ZIC5: variants seen among roughly 807,000 people sequenced by gnomAD.
The protein encoded by ZIC5 is Zic family zinc finger 5.
ZIC5 carries 20 observed loss-of-function variants against 28.5 expected under a neutral mutation model. The ratio of observed to expected loss-of-function variants is 0.70; its 90% CI spans 0.49 to 1.02. ZIC5 has a LOEUF of 1.02. Among genes scored for constraint, ZIC5 ranks in the 50% least tolerant of loss-of-function variants. The pLI is 0.00. For synonymous variants in ZIC5, 488 were observed against 410.4 expected (o/e 1.19, Z -2.29); for missense variants, 951 against 899.7 (o/e 1.06, Z -0.73).
chr13:99,970,152 G>A lies in ZIC5; in HGVS notation c.1452C>T (p.Leu484=). ...CTGTATGAGTACGCTTGTGGATCTT[G>A]AGGTTCTCGGAGCGCGCGAAGACCT... The part of the protein sequence containing the change: ...CGKVFARSEN[L]KIHKRTHTGE... Residue 484 remains leucine (L), a synonymous_variant, in exon 1 of 2, where the codon CTC becomes CTT. Coordinates refer to ENST00000267294, the MANE Select transcript of ZIC5 (RefSeq NM_033132.5). The A allele has an allele frequency of 6.2e-7, 1 of 1,610,150 alleles. No homozygotes were observed. Among genetic ancestry groups the A allele is most frequent in the East Asian group, 2.2e-5 (1 of 44,580 alleles).
chr13:99,970,062 C>T, intron 1 of ZIC5, 65 bp downstream of exon 1: 2 of 1,597,484 alleles, frequency 1.3e-6, no homozygotes, highest in Non-Finnish European at 8.5e-7. Flanking sequence ...GAAGCAGCGG[C>T]GGAAGCGGCG....
chr13:99,963,153 A>G lies in ZIC5; in HGVS notation c.*2224T>C, dbSNP rs2053069818. The stretch of plus-strand genomic sequence containing the variant: ...TAAATCTGTGGCAAAGAGTTAACCT[A>G]TGCATGGTAAAATACATAAAATACA... On this transcript the variant is annotated 3_prime_UTR_variant, in exon 2 of 2. Coordinates refer to ENST00000267294, the MANE Select transcript of ZIC5 (RefSeq NM_033132.5). 1 of 152,584 alleles carries G rather than the reference A, an allele frequency of 6.6e-6. No individual in the cohort carries two copies. Among genetic ancestry groups the G allele is most frequent in the Admixed American group, 6.5e-5 (1 of 15,284 alleles). The allele number at this position is 152,584 out of a possible 1,614,324, so 9.5% of individuals were successfully genotyped here. A position where few individuals can be genotyped will look rare whatever the true frequency, so the allele number is the denominator to read the frequency against.
intron 1 of ZIC5, among the ~76,000 whole-genome samples, chr13:99,968,629 G>A (rs1229967809): frequency 6.6e-6 from 1 of 152,160 alleles, no homozygotes; most frequent in Admixed American, 6.5e-5. Context: ...CCCCGCGCTT[G>A]GGAGTTCCCT....
In ZIC5 at chr13:99,971,239, T is replaced by C; in HGVS notation, c.365A>G (p.Gln122Arg). The change falls in exon 1 of 2, where the codon CAG becomes CGG. Residue 122 changes from glutamine (Q) to arginine (R), a missense_variant. By Grantham distance (43) the Gln-to-Arg change is conservative. Coordinates refer to ENST00000267294, the MANE Select transcript of ZIC5 (RefSeq NM_033132.5). ...GGCTGGGGGCGGGGGCGCGGAGGGC[T>C]GCGCGCCACTGCTGCCCCCGCCGCA... is the stretch of plus-strand genomic sequence containing the variant. The part of the protein sequence containing the change: ...YPCGGGSSGA[Q>R]PSAPPPPAPP... The C allele has an allele frequency of 2.3e-6, 3 of 1,298,114 alleles. No homozygotes were observed. The highest frequency in any genetic ancestry group is 3.2e-5 in the East Asian group (1 of 31,388). 80.4% of individuals were successfully genotyped at this position (1,298,114 alleles called of 1,614,324 possible). A position where few individuals can be genotyped will look rare whatever the true frequency, so the allele number is the denominator to read the frequency against.
rs955978757 is a variant in ZIC5 at position 99,964,586 on chromosome 13, T to A, written c.*791A>T. On this transcript the variant is annotated 3_prime_UTR_variant, in exon 2 of 2. Transcript: ENST00000267294. ...AGTTGTCTTTTGCAGCAGCTTTTCT[T>A]CTCTCCACTTTTGCTTGAACAATCA... 6.6e-6 allele frequency: 1 copy of A among 152,618 alleles called. No individual in the cohort carries two copies. The highest frequency in any genetic ancestry group is 2.4e-5 in the African/African-American group (1 of 41,454). The allele number at this position is 152,618 out of a possible 1,614,324, so 9.5% of individuals were successfully genotyped here. A position where few individuals can be genotyped will look rare whatever the true frequency, so the allele number is the denominator to read the frequency against.
rs1297438242 is a variant in ZIC5 at position 99,963,319 on chromosome 13, C to G, written c.*2058G>C. On this transcript the variant is annotated 3_prime_UTR_variant, in exon 2 of 2. Coordinates refer to ENST00000267294, the MANE Select transcript of ZIC5 (RefSeq NM_033132.5). ...AATAAGTTTACGATACATAAATTATCCCCCCAAAAGTTCATACCTTTTCTA... is the reference window on the plus strand; with the variant it reads ...AATAAGTTTACGATACATAAATTATGCCCCCAAAAGTTCATACCTTTTCTA... The G allele has an allele frequency of 6.6e-6, 1 of 152,458 alleles. No homozygotes were observed. Among genetic ancestry groups the G allele is most frequent in the Non-Finnish European group, 1.5e-5 (1 of 67,994 alleles). 9.4% of individuals were successfully genotyped at this position (152,458 alleles called of 1,614,324 possible). A position where few individuals can be genotyped will look rare whatever the true frequency, so the allele number is the denominator to read the frequency against.
In ZIC5 at chr13:99,968,433, C is replaced by A. The variant is rs767099194; in HGVS notation, c.1477+1694G>T. On this transcript the variant is annotated intron_variant, in intron 1 of 1. Transcript: ENST00000267294. ...TCCCCTCGCCGCCTGGGGTCCCCCGCGCCCCCCCCGACCCCACGCACGCGC... is the reference window on the plus strand; with the variant it reads ...TCCCCTCGCCGCCTGGGGTCCCCCGAGCCCCCCCCGACCCCACGCACGCGC... Among the ~76,000 whole-genome samples the A allele has an allele frequency of 1.5e-3, 230 of 152,172 alleles. 1 individual carries two copies. Among genetic ancestry groups the A allele is most frequent in the Non-Finnish European group, 2.5e-3 (169 of 67,964 alleles).
Position 99,971,051 on chromosome 13 carries a change from CG to C in ZIC5, c.552del (p.Ala185ArgfsTer122), listed in dbSNP as rs748460111. The C allele has an allele frequency of 2.8e-6, 4 of 1,425,222 alleles. No individual in the cohort carries two copies. The highest frequency in any genetic ancestry group is 3.0e-5 in the South Asian group (2 of 67,106). The allele number at this position is 1,425,222 out of a possible 1,614,324, so 88.3% of individuals were successfully genotyped here. ...VLRRDLSATAPAAAMHGAPLG... is the reference protein window; with the variant it reads ...VLRRDLSATAXAAAMHGAPLG... Reference sequence around the variant, plus strand: ...AGCGGGGCCCCGTGCATGGCCGCCGCGGGGGCCGTGGCGGAAAGGTCCCTCC... The same window carrying C: ...AGCGGGGCCCCGTGCATGGCCGCCGCGGGGCCGTGGCGGAAAGGTCCCTCC... On this transcript the variant is annotated frameshift_variant, in exon 1 of 2. Transcript: ENST00000267294. LOFTEE classifies it high-confidence loss of function.
chr13:99,970,896 G>A lies in ZIC5; in HGVS notation c.708C>T (p.Phe236=), dbSNP rs755745826. 158 of 1,340,452 alleles carry A rather than the reference G, an allele frequency of 1.2e-4. No individual in the cohort carries two copies. The Middle Eastern group carries it at 3.9e-3, about 33-fold the overall frequency. The allele number at this position is 1,340,452 out of a possible 1,614,324, so 83.0% of individuals were successfully genotyped here. The stretch of plus-strand genomic sequence containing the variant: ...CCCCCGGCGTGTCGTGCAGCGCGGG[G>A]AAGAGCGCCGGGCCGCCGCTGCCGT... ...GPDGSGGPAL[F]PALHDTPGAP... Residue 236 remains phenylalanine (F), a synonymous_variant, in exon 1 of 2, where the codon TTC becomes TTT. Transcript: ENST00000267294.
chr13:99,963,115 T>C lies in ZIC5; in HGVS notation c.*2262A>G, dbSNP rs1158442911. The C allele has an allele frequency of 6.6e-6, 1 of 152,552 alleles. No homozygotes were observed. Among genetic ancestry groups the C allele is most frequent in the Non-Finnish European group, 1.5e-5 (1 of 68,034 alleles). The allele number at this position is 152,552 out of a possible 1,614,324, so 9.4% of individuals were successfully genotyped here. On this transcript the variant is annotated 3_prime_UTR_variant, in exon 2 of 2. Transcript: ENST00000267294. ...TACACATTTTTTTTTATTTTAGGTG[T>C]ATCAAGAACCAATAAATCTGTGGCA...
Position 99,970,801 on chromosome 13 carries a change from G to A in ZIC5, c.803C>T (p.Ala268Val), listed in dbSNP as rs1459509233. Residue 268 changes from alanine to valine, a missense_variant, in exon 1 of 2, where the codon GCG becomes GTG. Coordinates refer to ENST00000267294, the MANE Select transcript of ZIC5 (RefSeq NM_033132.5). ...GGCGCGGCCGTACAGCTCAGCCGCC[G>A]CGGCTGCCGCTGCCGCCGCCAGCCC... is the stretch of plus-strand genomic sequence containing the variant. ...RLGLAAAAAA[A>V]AAELYGRAEP... The A allele has an allele frequency of 2.5e-6, 3 of 1,201,972 alleles. No individual in the cohort carries two copies. Among genetic ancestry groups the A allele is most frequent in the East Asian group, 7.5e-5 (2 of 26,552 alleles). The allele number at this position is 1,201,972 out of a possible 1,614,324, so 74.5% of individuals were successfully genotyped here.
intron 1 of ZIC5, among the ~76,000 whole-genome samples, chr13:99,969,007 G>A (rs1398329536): frequency 2.0e-5 from 3 of 152,206 alleles, no homozygotes; most frequent in Admixed American, 6.5e-5. Context: ...ATTACTGAAC[G>A]TAAACTCCAG....
In ZIC5 at chr13:99,965,445, C is replaced by T. The variant is rs141374937; in HGVS notation, c.1852G>A (p.Gly618Arg). The T allele has an allele frequency of 1.1e-4, 174 of 1,613,984 alleles. No individual in the cohort carries two copies. Among genetic ancestry groups the T allele is most frequent in the Non-Finnish European group, 1.3e-4 (157 of 1,180,032 alleles). The change falls in exon 2 of 2, where the codon GGA becomes AGA. Residue 618 changes from glycine to arginine, a missense_variant. Gly to Arg is a moderately radical substitution (Grantham distance 125, BLOSUM62 -2). Coordinates refer to ENST00000267294, the MANE Select transcript of ZIC5 (RefSeq NM_033132.5). ...PSHLHTPSSNGTTSETEDEEI... is the reference protein window; with the variant it reads ...PSHLHTPSSNRTTSETEDEEI... ...TCATCTTCAGTCTCAGAGGTGGTTCCGTTGCTGGAAGGGGTGTGGAGGTGG... is the reference window on the plus strand; with the variant it reads ...TCATCTTCAGTCTCAGAGGTGGTTCTGTTGCTGGAAGGGGTGTGGAGGTGG...
chr13:99,970,732 G>A lies in ZIC5; in HGVS notation c.872C>T (p.Ala291Val). The A allele has an allele frequency of 2.5e-6, 3 of 1,186,544 alleles. No individual in the cohort carries two copies. Among genetic ancestry groups the A allele is most frequent in the South Asian group, 2.4e-5 (1 of 40,880 alleles). 73.5% of individuals were successfully genotyped at this position (1,186,544 alleles called of 1,614,324 possible). Residue 291 changes from alanine (A) to valine (V), a missense_variant, in exon 1 of 2, where the codon GCG becomes GTG. Transcript: ENST00000267294. Reference protein sequence around the residue: ...APRSGDAHYGAVAAAAAAALH... With the variant: ...APRSGDAHYGVVAAAAAAALH... The stretch of plus-strand genomic sequence containing the variant: ...GGCGGCCGCCGCTGCGGCCGCAACC[G>A]CCCCGTAGTGCGCGTCCCCAGAGCG...
rs1162552887 is a variant in ZIC5 at position 99,964,199 on chromosome 13, G to C, written c.*1178C>G. The C allele has an allele frequency of 6.6e-6, 1 of 152,144 alleles. No individual in the cohort carries two copies. Among genetic ancestry groups the C allele is most frequent in the Non-Finnish European group, 1.5e-5 (1 of 68,032 alleles). The allele number at this position is 152,144 out of a possible 1,614,324, so 9.4% of individuals were successfully genotyped here. ...CTTCACACACTGTCATTTTCAAATG[G>C]ATTCCAGTTTGGTGTGCTCAGTGCT... On this transcript the variant is annotated 3_prime_UTR_variant, in exon 2 of 2. Coordinates refer to ENST00000267294, the MANE Select transcript of ZIC5 (RefSeq NM_033132.5).
chr13:99,968,954 G>A (rs971991271), intron 1 of ZIC5, among the ~76,000 whole-genome samples: 8 of 152,226 alleles, frequency 5.3e-5, no homozygotes, highest in Admixed American at 1.3e-4. Flanking sequence ...GGGACCCGGC[G>A]GCTACCTCCT....
chr13:99,970,375 G>T lies in ZIC5; in HGVS notation c.1229C>A (p.Thr410Asn). The change falls in exon 1 of 2, where the codon ACT (threonine) becomes AAT (asparagine). Residue 410 changes from threonine to asparagine, a missense_variant. Physicochemically the swap from Thr to Asn is moderately conservative, Grantham distance 65. Transcript: ENST00000267294. ...CACCAGCTCGTGCATGGTGCCGAAAGTTTTGGAGCAGGGCTTGGCGCCGCC... is the reference window on the plus strand; with the variant it reads ...CACCAGCTCGTGCATGGTGCCGAAATTTTTGGAGCAGGGCTTGGCGCCGCC... ...PAGGAKPCSK[T>N]FGTMHELVNH... is the part of the protein sequence containing the mutation. 1 of 1,557,736 alleles carries T rather than the reference G, an allele frequency of 6.4e-7. No homozygotes were observed. Among genetic ancestry groups the T allele is most frequent in the Non-Finnish European group, 8.7e-7 (1 of 1,153,004 alleles).
Position 99,971,723 on chromosome 13 carries a change from C to T in ZIC5, c.-120G>A, listed in dbSNP as rs1232235880. Reference sequence around the variant, plus strand: ...CTTCTTTTGTCCTGGCCTCTTAACTCTGCTTATTCCTGTTCCCACTCTATC... The same window carrying T: ...CTTCTTTTGTCCTGGCCTCTTAACTTTGCTTATTCCTGTTCCCACTCTATC... On this transcript the variant is annotated 5_prime_UTR_variant, in exon 1 of 2. Coordinates refer to ENST00000267294, the MANE Select transcript of ZIC5 (RefSeq NM_033132.5). The T allele has an allele frequency of 1.9e-6, 3 of 1,547,376 alleles. No individual in the cohort carries two copies. The highest frequency in any genetic ancestry group is 2.6e-6 in the Non-Finnish European group (3 of 1,144,298).
intron 1 of ZIC5, among the ~76,000 whole-genome samples, chr13:99,969,046 G>A (rs1318700840): frequency 6.6e-6 from 1 of 152,220 alleles, no homozygotes; most frequent in African/African-American, 2.4e-5. Context: ...AGGGGTAATC[G>A]TATCTGTCCC....
Sources: allele counts gnomAD v4.1 joint callset (sites outside exome capture counted in the v4.1 genomes callset), GRCh38; gene constraint gnomAD v4.1.1; transcripts MANE v1.5; gene names NCBI Gene and HGNC (gene_info 2026-07-23, HGNC 2026-07-21).